RHBDD1: variants seen among roughly 807,000 people sequenced by gnomAD.
RHBDD1 encodes rhomboid domain containing 1.
Under a neutral mutation model 36.3 loss-of-function variants are expected in RHBDD1, and 38 were observed. That is an observed-to-expected ratio of 1.05 (90% confidence interval 0.81 to 1.37). The LOEUF is 1.37. Among genes scored for constraint, RHBDD1 ranks in the 40% most tolerant of loss-of-function variants. The pLI is 0.00. For missense variants in RHBDD1, 393 were observed against 377.6 expected (o/e 1.04, Z -0.34); for synonymous variants, 151 against 136.5 (o/e 1.11, Z -0.74).
intron 5 of RHBDD1, among the ~76,000 whole-genome samples, chr2:226,902,928 A>C (rs1332345624): frequency 6.6e-6 from 1 of 152,208 alleles, no homozygotes; most frequent in Non-Finnish European, 1.5e-5. Flanking sequence ...ATTCAAGATT[A>C]ATTGTTTAAT....
chr2:226,857,180 C>T (rs1414737099), intron 3 of RHBDD1, among the ~76,000 whole-genome samples: 1 of 151,766 alleles, frequency 6.6e-6, no homozygotes, highest in South Asian at 2.1e-4. Context: ...GTATTTTAAG[C>T]AATGAAAATC....
chr2:226,827,836 C>A, the RHBDD1 span, among the ~76,000 whole-genome samples: 3 of 152,178 alleles, frequency 2.0e-5, no homozygotes, highest in Admixed American at 2.0e-4. Flanking sequence ...AGAATAATTT[C>A]TTGAGCATAG....
chr2:226,995,433 A>C lies in RHBDD1; in HGVS notation c.859A>C (p.Asn287His). 2 of 1,605,006 alleles carry C rather than the reference A, an allele frequency of 1.2e-6. No homozygotes were observed. The highest frequency in any genetic ancestry group is 1.7e-5 in the Admixed American group (1 of 59,910). ...TTCCTTTGGCTTTCTCACTACAGGA[A>C]ATACCAGAAATAGCCCACCACCCTA... ...ALQASLWDRG[N>H]TRNSPPPYGF... The change falls in exon 9 of 9, where the codon AAT (asparagine) becomes CAT (histidine). Residue 287 changes from asparagine to histidine, a missense_variant and splice_region_variant. Coordinates refer to ENST00000392062, the MANE Select transcript of RHBDD1 (RefSeq NM_001167608.3).
the RHBDD1 span, among the ~76,000 whole-genome samples, chr2:226,822,228 G>A: frequency 6.6e-6 from 1 of 152,158 alleles, no homozygotes; most frequent in East Asian, 1.9e-4. Flanking sequence ...GTAATAGCTT[G>A]TTTGTTTTGG....
chr2:226,991,175 T>A lies in RHBDD1; in HGVS notation c.857-4256T>A, dbSNP rs537471640. Among the ~76,000 whole-genome samples the A allele has an allele frequency of 9.0e-4, 137 of 152,314 alleles. 1 individual carries two copies. The highest frequency in any genetic ancestry group is 3.2e-3 in the African/African-American group (135 of 41,584). The stretch of plus-strand genomic sequence containing the variant: ...TCTGTATTTTAAGAAGTCACTGGTT[T>A]TGTCATTTTATATATCTCTTTTTTG... On this transcript the variant is annotated intron_variant, in intron 8 of 8. Transcript: ENST00000392062.
the RHBDD1 span, among the ~76,000 whole-genome samples, chr2:226,801,503 A>G: frequency 6.6e-6 from 1 of 152,158 alleles, no homozygotes; most frequent in East Asian, 1.9e-4. Flanking sequence ...CAAGCCTGGG[A>G]GCCTCTCGTT....
At chr2:226,938,152 G>T (rs1427880001) in intron 8 of RHBDD1, among the ~76,000 whole-genome samples, 3 of 152,028 alleles carry the variant, frequency 2.0e-5, no homozygotes, top group Non-Finnish European at 4.4e-5. Context: ...ATGTGAGATG[G>T]TATCTCGTGG....
At chr2:226,951,991 A>G (rs1432912814) in intron 8 of RHBDD1, among the ~76,000 whole-genome samples, 1 of 150,756 alleles carries the variant, frequency 6.6e-6, no homozygotes, top group Non-Finnish European at 1.5e-5. Context: ...GCTATCTATT[A>G]GAATCATTTG....
intron 8 of RHBDD1, among the ~76,000 whole-genome samples, chr2:226,935,670 A>G (rs774624429): frequency 5.9e-5 from 9 of 151,948 alleles, no homozygotes; most frequent in Non-Finnish European, 1.0e-4. Context: ...CGAATTGGTT[A>G]TGCTTCAGAG....
intron 5 of RHBDD1, among the ~76,000 whole-genome samples, chr2:226,871,283 T>C (rs759079005): frequency 4.2e-4 from 64 of 152,242 alleles, no homozygotes; most frequent in Non-Finnish European, 8.8e-4. Context: ...GAAATGTTGA[T>C]GCACCATTTG....
chr2:226,988,787 C>G, intron 8 of RHBDD1: 1 of 826,190 alleles, frequency 1.2e-6, no homozygotes, highest in Non-Finnish European at 1.5e-6. Flanking sequence ...AAACTGTTCT[C>G]TATTTTAGAA....
intron 5 of RHBDD1, among the ~76,000 whole-genome samples, chr2:226,870,445 C>T (rs1010310277): frequency 1.3e-5 from 2 of 152,110 alleles, no homozygotes; most frequent in Non-Finnish European, 2.9e-5. Context: ...TCCCTTTGCT[C>T]CTACTTGACT....
At chr2:226,961,679 T>C (rs557521083) in intron 8 of RHBDD1, among the ~76,000 whole-genome samples, 9 of 152,280 alleles carry the variant, frequency 5.9e-5, no homozygotes, top group African/African-American at 1.4e-4. Flanking sequence ...CTCTGTATAT[T>C]GCCCCTATAT....
At chr2:226,927,760 A>G (rs146679853) in intron 8 of RHBDD1, among the ~76,000 whole-genome samples, 1 of 152,080 alleles carries the variant, frequency 6.6e-6, no homozygotes, top group East Asian at 1.9e-4. Flanking sequence ...TCTTTGCTGA[A>G]GTTTCTGTTC....
At chr2:226,801,561 C>T in the RHBDD1 span, among the ~76,000 whole-genome samples, 2 of 152,130 alleles carry the variant, frequency 1.3e-5, no homozygotes, top group African/African-American at 4.8e-5. Flanking sequence ...CTCATCTAAA[C>T]CTGGTTAATC....
At chr2:226,807,446 A>G in the RHBDD1 span, 1 of 152,192 alleles carries the variant, frequency 6.6e-6, no homozygotes, top group Non-Finnish European at 1.5e-5. Flanking sequence ...GCTATTTTGT[A>G]TTTCTTAATT....
intron 8 of RHBDD1, among the ~76,000 whole-genome samples, chr2:226,976,271 A>C (rs1262807082): frequency 6.9e-6 from 1 of 145,598 alleles, no homozygotes; most frequent in Non-Finnish European, 1.5e-5. Context: ...CTCTGGTCAT[A>C]CTAGATCTTG....
At position 226,856,374 on chromosome 2, in the gene RHBDD1, T is replaced by A. The variant is rs1305387196; in HGVS notation, c.-90-8230T>A. Among the ~76,000 whole-genome samples the A allele has an allele frequency of 3.9e-5, 6 of 152,320 alleles. No individual in the cohort carries two copies. The South Asian group carries it at 6.2e-4, about 16-fold the overall frequency. On this transcript the variant is annotated intron_variant, in intron 3 of 8. Transcript: ENST00000392062. The stretch of plus-strand genomic sequence containing the variant: ...CCATTTTCTTATTTTCAAAACTATC[T>A]TGAAAATCTACATTTTGTAACTGGA...
the RHBDD1 span, among the ~76,000 whole-genome samples, chr2:226,828,620 G>A: frequency 4.6e-5 from 7 of 152,146 alleles, no homozygotes; most frequent in Admixed American, 1.3e-4. Flanking sequence ...ATGTGCAGTC[G>A]TTTCTCATTG....
Sources: gnomAD v4.1 joint callset for allele counts (sites outside exome capture counted in the v4.1 genomes callset) on GRCh38, gnomAD v4.1.1 for gene constraint, MANE v1.5 for transcripts, NCBI Gene and HGNC (gene_info 2026-07-23, HGNC 2026-07-21) for gene names.